Variants in CHL1 observed in about 807,000 individuals in gnomAD.
CHL1 encodes cell adhesion molecule L1 like, also known as neural cell adhesion molecule L1-like protein.
CHL1 carries 96 observed loss-of-function variants against 141.9 expected under a neutral mutation model. That is an observed-to-expected ratio of 0.68 (90% CI 0.57 to 0.80). CHL1 has a LOEUF of 0.80. Ranked by LOEUF, CHL1 falls within the 30% of genes least tolerant of loss-of-function variation. The pLI is 0.00. For missense variants in CHL1, 1,820 were observed against 1,457.2 expected (o/e 1.25, Z -4.05); for synonymous variants, 613 against 502.2 (o/e 1.22, Z -2.95).
intron 2 of CHL1, among the ~76,000 whole-genome samples, chr3:314,573 T>A (rs979431841): frequency 1.3e-5 from 2 of 151,856 alleles, no homozygotes; most frequent in African/African-American, 4.8e-5. Flanking sequence ...GGTTCTAGCA[T>A]CTGTGTTCAG....
intron 1 of CHL1, among the ~76,000 whole-genome samples, chr3:241,833 G>C (rs903920918): frequency 1.3e-5 from 2 of 150,502 alleles, no homozygotes; most frequent in Non-Finnish European, 3.0e-5. Context: ...GAAACTAAGG[G>C]ACTTTGAAAA....
chr3:346,959 T>A (rs1460829277), intron 9 of CHL1, among the ~76,000 whole-genome samples: 1 of 152,198 alleles, frequency 6.6e-6, no homozygotes, highest in Non-Finnish European at 1.5e-5. Flanking sequence ...TGATTATCTA[T>A]AAGTGTCAGG....
intron 12 of CHL1, among the ~76,000 whole-genome samples, chr3:360,758 C>T (rs1418822526): frequency 2.5e-5 from 3 of 121,972 alleles, no homozygotes; most frequent in African/African-American, 1.0e-4. Context: ...CACCCCACAA[C>T]AGTCCCCAGA....
chr3:310,787 C>T (rs1489472200), intron 2 of CHL1, among the ~76,000 whole-genome samples: 4 of 152,160 alleles, frequency 2.6e-5, no homozygotes, highest in African/African-American at 7.2e-5. Flanking sequence ...TTGGTGTATA[C>T]ATTCTACGGG....
chr3:344,395 G>A (rs1702588326), intron 8 of CHL1, among the ~76,000 whole-genome samples, 194 bp from the exon 9 acceptor site: 1 of 151,708 alleles, frequency 6.6e-6, no homozygotes. Context: ...AAACATATGA[G>A]GGACAACCCA....
intron 2 of CHL1, among the ~76,000 whole-genome samples, chr3:307,595 A>G (rs905326448): frequency 4.6e-5 from 7 of 152,246 alleles, no homozygotes; most frequent in Admixed American, 2.6e-4. Flanking sequence ...TTAATATCCT[A>G]TTCACTCAAG....
At chr3:256,783 G>C (rs547686702) in intron 2 of CHL1, among the ~76,000 whole-genome samples, 1 of 152,298 alleles carries the variant, frequency 6.6e-6, no homozygotes, top group South Asian at 2.1e-4. Context: ...CTGGCGCCTG[G>C]GAGCTTGCTC....
At chr3:289,624 T>C (rs530946191) in intron 2 of CHL1, among the ~76,000 whole-genome samples, 3 of 152,270 alleles carry the variant, frequency 2.0e-5, no homozygotes, top group Admixed American at 1.3e-4. Flanking sequence ...AATCTATCAA[T>C]ACATAATCTT....
At chr3:245,240 A>G (rs919879278) in intron 2 of CHL1, among the ~76,000 whole-genome samples, 4 of 152,154 alleles carry the variant, frequency 2.6e-5, no homozygotes, top group Non-Finnish European at 5.9e-5. Context: ...GCTGAATTAT[A>G]ACTAATTTCA....
At chr3:286,376 C>G (rs946198389) in intron 2 of CHL1, among the ~76,000 whole-genome samples, 2 of 151,854 alleles carry the variant, frequency 1.3e-5, no homozygotes, top group Non-Finnish European at 2.9e-5. Context: ...TTTGGGAGGC[C>G]GAAGTGAGTG....
Position 360,447 on chromosome 3 carries a change from T to C in CHL1, c.1306+23T>C, listed in dbSNP as rs774603614. Reference sequence around the variant, plus strand: ...TGGGTGAGTGTGCCTGGGAGCTGACTTAACATGCTATTTTCCTAAGGAAAG... The same window carrying C: ...TGGGTGAGTGTGCCTGGGAGCTGACCTAACATGCTATTTTCCTAAGGAAAG... On this transcript the variant is annotated intron_variant, in intron 12 of 27. Coordinates refer to ENST00000256509, the MANE Select transcript of CHL1 (RefSeq NM_006614.4). 4 of 1,610,914 alleles carry C rather than the reference T, an allele frequency of 2.5e-6. No homozygotes were observed. The East Asian group carries it at 8.9e-5, about 36-fold the overall frequency.
chr3:261,838 G>A (rs530981503), intron 2 of CHL1, among the ~76,000 whole-genome samples: 4 of 152,050 alleles, frequency 2.6e-5, no homozygotes, highest in African/African-American at 9.7e-5. Flanking sequence ...ATGTTTTACT[G>A]GAAAGAAATT....
intron 1 of CHL1, among the ~76,000 whole-genome samples, chr3:228,582 A>G (rs1701582915): frequency 1.3e-5 from 2 of 152,164 alleles, no homozygotes; most frequent in Admixed American, 6.5e-5. Flanking sequence ...AATAATGCAG[A>G]CTAGAACTAA....
chr3:301,287 G>A (rs1698704565), intron 2 of CHL1, among the ~76,000 whole-genome samples: 1 of 152,080 alleles, frequency 6.6e-6, no homozygotes, highest in African/African-American at 2.4e-5. Context: ...CACATTTTTG[G>A]TTCACCTAGT....
chr3:239,611 A>T (rs1219588303), intron 1 of CHL1, among the ~76,000 whole-genome samples: 1 of 150,312 alleles, frequency 6.7e-6, no homozygotes, highest in Non-Finnish European at 1.5e-5. Flanking sequence ...TATATATTTT[A>T]AAATTATTTT....
At chr3:205,093 TTTCTTTCTTTC>T (rs1699291920) in intron 1 of CHL1, among the ~76,000 whole-genome samples, 2 of 51,004 alleles carry the variant, frequency 3.9e-5, no homozygotes, top group African/African-American at 8.5e-5. Context: ...TTCCTTTTTC[TTTCTTTCTTTC>T]TTTTTTTTTT....
intron 1 of CHL1, among the ~76,000 whole-genome samples, chr3:235,914 A>G (rs1449211144): frequency 6.6e-6 from 1 of 152,138 alleles, no homozygotes; most frequent in Non-Finnish European, 1.5e-5. Context: ...GAGGACTAGC[A>G]CCTCCAGAAG....
At chr3:300,510 A>T (rs540332946) in intron 2 of CHL1, among the ~76,000 whole-genome samples, 1 of 152,198 alleles carries the variant, frequency 6.6e-6, no homozygotes, top group East Asian at 1.9e-4. Context: ...TTTTTACTAT[A>T]TTTCTTCATT....
At chr3:269,936 A>AGGAAGCTG in intron 2 of CHL1, among the ~76,000 whole-genome samples, 1 of 152,310 alleles carries the variant, frequency 6.6e-6, no homozygotes, top group African/African-American at 2.4e-5. Context: ...TGAGATCTCC[A>AGGAAGCTG]GGAAGCTGGA....
Sources: gnomAD v4.1 joint callset for allele counts (sites outside exome capture counted in the v4.1 genomes callset) on GRCh38, gnomAD v4.1.1 for gene constraint, MANE v1.5 for transcripts, NCBI Gene and HGNC (gene_info 2026-07-23, HGNC 2026-07-21) for gene names.